HECW1: variants seen among roughly 807,000 people sequenced by gnomAD.
HECW1 encodes the protein HECT, C2 and WW domain containing E3 ubiquitin protein ligase 1, also known as E3 ubiquitin-protein ligase HECW1.
In HECW1, 61 loss-of-function variants were observed where a neutral mutation model predicts 182.3. The observed-to-expected ratio is 0.33, with a 90% CI of 0.27 to 0.41. The LOEUF (loss-of-function observed/expected upper bound fraction) is 0.41, where lower values mean the gene tolerates loss of function less well. Among genes scored for constraint, HECW1 ranks in the 10% least tolerant of loss-of-function variants. HECW1 has a pLI of 1.00. For missense variants in HECW1, 1,739 were observed against 2,108.9 expected (o/e 0.82, Z 3.44); for synonymous variants, 859 against 832.6 (o/e 1.03, Z -0.55).
chr7:43,423,213 G>A (rs1381615051), intron 8 of HECW1, among the ~76,000 whole-genome samples: 1 of 152,104 alleles, frequency 6.6e-6, no homozygotes, highest in African/African-American at 2.4e-5. Flanking sequence ...CAGCCCTAAA[G>A]ACGGCATTAT....
In HECW1 at chr7:43,218,576, G is replaced by T. The variant is rs566425377; in HGVS notation, c.-31-25299G>T. On this transcript the variant is annotated intron_variant, in intron 2 of 29. Transcript: ENST00000395891. ...CCTGTGACCAGCAGTATAGATCACA[G>T]TGTCTTGGAAGGCACAGCAAAGCTG... Among the ~76,000 whole-genome samples the T allele has an allele frequency of 7.9e-5, 12 of 152,332 alleles. No individual in the cohort carries two copies. In the South Asian group the frequency reaches 2.5e-3, roughly 32 times the overall value.
At chr7:43,248,888 C>T (rs1167903997) in intron 3 of HECW1, 1 of 152,444 alleles carries the variant, frequency 6.6e-6, no homozygotes, top group African/African-American at 2.4e-5. Flanking sequence ...AGGCCACAAC[C>T]TCTAGACCCC....
At chr7:43,184,232 C>T (rs1233871805) in intron 2 of HECW1, among the ~76,000 whole-genome samples, 4 of 152,116 alleles carry the variant, frequency 2.6e-5, no homozygotes, top group African/African-American at 9.7e-5. Context: ...CCAGGATGAT[C>T]TCGATCTCCT....
At chr7:43,424,298 T>C (rs1250419956) in intron 8 of HECW1, among the ~76,000 whole-genome samples, 1 of 152,084 alleles carries the variant, frequency 6.6e-6, no homozygotes, top group East Asian at 1.9e-4. Context: ...GGGCAATGGG[T>C]TATTAGCCTG....
chr7:43,303,209 G>A (rs757488), intron 3 of HECW1, among the ~76,000 whole-genome samples: 77,947 of 151,908 alleles, frequency 0.51, 23,727 homozygotes, highest in African/African-American at 0.86. Context: ...GCACCAAGCA[G>A]TCCTAGACTT....
At chr7:43,297,922 A>T (rs916969398) in intron 3 of HECW1, among the ~76,000 whole-genome samples, 1 of 152,140 alleles carries the variant, frequency 6.6e-6, no homozygotes, top group African/African-American at 2.4e-5. Flanking sequence ...ACATTTTTTT[A>T]AATTAGCCAG....
At chr7:43,309,862 AG>A (rs1808276608) in intron 3 of HECW1, among the ~76,000 whole-genome samples, 1 of 152,306 alleles carries the variant, frequency 6.6e-6, no homozygotes, top group Admixed American at 6.5e-5. Context: ...TGTCTCAGTG[AG>A]GTTTCCTTCC....
chr7:43,458,556 A>G (rs2077477993), intron 13 of HECW1, among the ~76,000 whole-genome samples: 1 of 152,254 alleles, frequency 6.6e-6, no homozygotes, highest in South Asian at 2.1e-4. Flanking sequence ...ATCTGGACAG[A>G]TAAAAAGAAA....
chr7:43,479,645 T>C lies in HECW1; in HGVS notation c.3135T>C (p.Thr1045=), dbSNP rs2078348528. Residue 1045 remains threonine, a synonymous_variant, in exon 17 of 30, where the codon ACT becomes ACC. Transcript: ENST00000395891. ...TGGACCACAACAGTCGAGCTACCAC[T>C]TTCATTGACCCCCGAATCCCTCTTC... ...FFVDHNSRAT[T]FIDPRIPLQN... is the part of the protein sequence containing the mutation. 1 of 1,613,944 alleles carries C rather than the reference T, an allele frequency of 6.2e-7. No homozygotes were observed. The highest frequency in any genetic ancestry group is 1.3e-5 in the African/African-American group (1 of 74,882).
chr7:43,162,406 C>G (rs1430186881), intron 2 of HECW1, among the ~76,000 whole-genome samples: 1 of 152,240 alleles, frequency 6.6e-6, no homozygotes, highest in African/African-American at 2.4e-5. Context: ...TGTTTGGTGG[C>G]TATGACTGCA....
chr7:43,260,126 A>C (rs1164432998), intron 3 of HECW1, among the ~76,000 whole-genome samples: 1 of 152,242 alleles, frequency 6.6e-6, no homozygotes, highest in Non-Finnish European at 1.5e-5. Flanking sequence ...CTGACTTCTT[A>C]TCAGAACAAT....
At chr7:43,289,116 T>G (rs1212541245) in intron 3 of HECW1, among the ~76,000 whole-genome samples, 1 of 151,458 alleles carries the variant, frequency 6.6e-6, no homozygotes, top group Non-Finnish European at 1.5e-5. Context: ...CTTTTTTTTT[T>G]TTTTTGAGAC....
intron 29 of HECW1, among the ~76,000 whole-genome samples, chr7:43,559,240 A>G (rs961968284): frequency 1.3e-5 from 2 of 152,176 alleles, no homozygotes; most frequent in African/African-American, 4.8e-5. Context: ...ATCCAAAATT[A>G]TCTCAAAATG....
chr7:43,327,162 G>A (rs1810898968), intron 5 of HECW1, among the ~76,000 whole-genome samples: 1 of 150,312 alleles, frequency 6.7e-6, no homozygotes, highest in African/African-American at 2.5e-5. Context: ...CCTTAAGAAG[G>A]TTAAGTCTAC....
At chr7:43,149,228 T>C (rs1789039318) in intron 2 of HECW1, among the ~76,000 whole-genome samples, 2 of 152,124 alleles carry the variant, frequency 1.3e-5, no homozygotes, top group Admixed American at 1.3e-4. Flanking sequence ...TCAAAGTCAA[T>C]TATCACCAGT....
chr7:43,552,577 T>C (rs1418351872), intron 28 of HECW1, among the ~76,000 whole-genome samples: 2 of 152,126 alleles, frequency 1.3e-5, no homozygotes. Context: ...CTCACGCCCC[T>C]TTCCCCCAAC....
At chr7:43,522,730 G>C (rs2080550511) in intron 24 of HECW1, among the ~76,000 whole-genome samples, 1 of 152,176 alleles carries the variant, frequency 6.6e-6, no homozygotes, top group Non-Finnish European at 1.5e-5. Flanking sequence ...CCTATTAGCT[G>C]TGGAGACAGG....
At chr7:43,278,405 G>A (rs1005314791) in intron 3 of HECW1, among the ~76,000 whole-genome samples, 2 of 152,032 alleles carry the variant, frequency 1.3e-5, no homozygotes, top group African/African-American at 2.4e-5. Context: ...TCCCACCCTG[G>A]TTCTAGCAAG....
intron 3 of HECW1, among the ~76,000 whole-genome samples, chr7:43,289,595 G>T (rs982446673): frequency 1.3e-5 from 2 of 152,220 alleles, no homozygotes; most frequent in Non-Finnish European, 2.9e-5. Flanking sequence ...AGCCACCATT[G>T]GTAGATCAGG....
Sources: allele counts gnomAD v4.1 joint callset (sites outside exome capture counted in the v4.1 genomes callset), GRCh38; gene constraint gnomAD v4.1.1; transcripts MANE v1.5; gene names NCBI Gene and HGNC (gene_info 2026-07-23, HGNC 2026-07-21).